HFM1: variants seen among roughly 807,000 people sequenced by gnomAD.
HFM1 encodes the protein helicase for meiosis 1, also known as probable ATP-dependent DNA helicase HFM1.
Under a neutral mutation model 192.1 loss-of-function variants are expected in HFM1, and 169 were observed. The ratio of observed to expected loss-of-function variants is 0.88; its 90% CI spans 0.78 to 1.00. The LOEUF (loss-of-function observed/expected upper bound fraction) is 1.00. HFM1 is among the 50% of genes least tolerant of loss of function. The probability of loss-of-function intolerance (pLI) is 0.00; values close to 1 mark genes in which losing one functional copy is unlikely to be tolerated. For missense variants in HFM1, 1,661 were observed against 1,668.0 expected (o/e 1.00, Z 0.07); for synonymous variants, 525 against 537.8 (o/e 0.98, Z 0.33).
intron 36 of HFM1, 66 bp from the exon 37 acceptor site, chr1:91,262,658 T>G: frequency 1.1e-6 from 1 of 949,240 alleles, no homozygotes; most frequent in East Asian, 2.6e-5. Flanking sequence ...ATTTGGATCA[T>G]AATGATTTTT....
At chr1:91,365,823 T>G (rs1423623061) in intron 13 of HFM1, among the ~76,000 whole-genome samples, 1 of 152,116 alleles carries the variant, frequency 6.6e-6, no homozygotes, top group Non-Finnish European at 1.5e-5. Flanking sequence ...CATAGAAACA[T>G]GGTGAGATGA....
At chr1:91,399,850 G>C (rs567889336) in intron 2 of HFM1, among the ~76,000 whole-genome samples, 57 of 152,084 alleles carry the variant, frequency 3.7e-4, no homozygotes, top group African/African-American at 7.7e-4. Context: ...ACATATTTTT[G>C]ACCATATTTT....
chr1:91,278,443 C>T (rs546139460), intron 30 of HFM1, among the ~76,000 whole-genome samples: 31 of 152,154 alleles, frequency 2.0e-4, no homozygotes, highest in Non-Finnish European at 8.8e-5. Context: ...GAAGATATTC[C>T]AGGTGGAGGG....
intron 30 of HFM1, among the ~76,000 whole-genome samples, chr1:91,296,738 T>G (rs1570838810): frequency 6.6e-6 from 1 of 152,232 alleles, no homozygotes. Context: ...CTTGAGCATC[T>G]TTTGTTATTC....
At chr1:91,364,975 CAT>C (rs1424980627) in intron 13 of HFM1, among the ~76,000 whole-genome samples, 28 of 152,046 alleles carry the variant, frequency 1.8e-4, no homozygotes, top group African/African-American at 6.5e-4. Flanking sequence ...TACACACACA[CAT>C]GCACACACAC....
At chr1:91,379,994 T>C in intron 8 of HFM1, 110 bp downstream of exon 8, 1 of 476,710 alleles carries the variant, frequency 2.1e-6, no homozygotes, top group Non-Finnish European at 3.6e-6. Flanking sequence ...ACTAGAAATA[T>C]ATAGAAAATC....
At chr1:91,351,708 A>G in intron 16 of HFM1, 65 bp from the exon 17 acceptor site, 1 of 750,968 alleles carries the variant, frequency 1.3e-6, no homozygotes, top group South Asian at 1.8e-5. Flanking sequence ...CCTCTTCAAT[A>G]ACTGAAGACT....
At chr1:91,263,992 T>C (rs1371373436) in intron 36 of HFM1, among the ~76,000 whole-genome samples, 1 of 152,208 alleles carries the variant, frequency 6.6e-6, no homozygotes, top group Non-Finnish European at 1.5e-5. Context: ...ACCTACAGCT[T>C]TGTCTCACTT....
intron 25 of HFM1, among the ~76,000 whole-genome samples, chr1:91,317,300 G>A (rs1039100508): frequency 1.2e-4 from 18 of 152,164 alleles, no homozygotes; most frequent in African/African-American, 4.3e-4. Context: ...TGTAATCCCA[G>A]CTACTCAGGA....
intron 34 of HFM1, among the ~76,000 whole-genome samples, chr1:91,271,610 A>C: frequency 6.6e-6 from 1 of 152,128 alleles, no homozygotes; most frequent in Non-Finnish European, 1.5e-5. Flanking sequence ...GGAAAGCAGG[A>C]TTGGATAGAA....
intron 30 of HFM1, among the ~76,000 whole-genome samples, chr1:91,305,262 T>C (rs148169282): frequency 9.6e-4 from 147 of 152,336 alleles, no homozygotes; most frequent in African/African-American, 3.5e-3. Flanking sequence ...ATATGAGAAG[T>C]GCTGCCATCT....
At position 91,262,741 on chromosome 1, in the gene HFM1, T is replaced by C. The variant is rs1327640022; in HGVS notation, c.3975-149A>G. ...ATTGTTTCTAATATTCATGGAGAGC[T>C]TGGTATATTTCCTTTCCTTTAGACC... On this transcript the variant is annotated intron_variant, in intron 36 of 38. Transcript: ENST00000370425. 5.3e-6 allele frequency: 3 copies of C among 567,210 alleles called. No homozygotes were observed. The African/African-American group carries it at 5.7e-5, about 11-fold the overall frequency. 35.1% of individuals were successfully genotyped at this position (567,210 alleles called of 1,614,324 possible).
intron 20 of HFM1, chr1:91,329,517 T>C (rs1653481503): frequency 2.0e-6 from 3 of 1,508,296 alleles, no homozygotes; most frequent in Non-Finnish European, 2.7e-6. Flanking sequence ...AAGGGGAAAA[T>C]AAATGTGTTT....
In HFM1 at chr1:91,404,822, A is replaced by C. The variant is rs1268465717; in HGVS notation, c.-52T>G. ...CCTCCCTGCGGACAGCTCCTAGGCC[A>C]GTCGAGCGCCGATTTATCAGCCCCT... On this transcript the variant is annotated 5_prime_UTR_variant, in exon 1 of 39. Coordinates refer to ENST00000370425, the MANE Select transcript of HFM1 (RefSeq NM_001017975.6). 4.4e-6 allele frequency: 2 copies of C among 455,704 alleles called. No homozygotes were observed. Among genetic ancestry groups the C allele is most frequent in the East Asian group, 1.4e-4 (2 of 14,312 alleles). The allele number at this position is 455,704 out of a possible 1,614,324, so 28.2% of individuals were successfully genotyped here.
chr1:91,311,684 C>T (rs1650481703), intron 30 of HFM1, among the ~76,000 whole-genome samples: 1 of 151,904 alleles, frequency 6.6e-6, no homozygotes. Context: ...AAAGAAAAAC[C>T]CATTTGCTGG....
upstream of HFM1, among the ~76,000 whole-genome samples, chr1:91,407,623 C>T (rs1251403001): frequency 6.6e-6 from 1 of 152,172 alleles, no homozygotes; most frequent in Non-Finnish European, 1.5e-5. Context: ...TTATATACCA[C>T]ATTTTGTTTA....
At chr1:91,349,159 C>T (rs1300560200) in intron 18 of HFM1, among the ~76,000 whole-genome samples, 3 of 151,748 alleles carry the variant, frequency 2.0e-5, no homozygotes, top group South Asian at 2.1e-4. Flanking sequence ...TGTGGTGGTG[C>T]GTGCCTGTAG....
chr1:91,381,117 T>C, intron 6 of HFM1, 135 bp from the exon 7 acceptor site: 1 of 570,082 alleles, frequency 1.8e-6, no homozygotes, highest in East Asian at 3.1e-5. Context: ...TCTGGCATCT[T>C]AGGAAAAGAA....
intron 13 of HFM1, among the ~76,000 whole-genome samples, chr1:91,370,655 G>T (rs282045): frequency 0.9 from 135,893 of 151,462 alleles, 61,006 homozygotes; most frequent in Middle Eastern, 0.95. Flanking sequence ...GCAAAAACTG[G>T]AAGCATTCCC....
Sources: allele counts gnomAD v4.1 joint callset (sites outside exome capture counted in the v4.1 genomes callset), GRCh38; gene constraint gnomAD v4.1.1; transcripts MANE v1.5; gene names NCBI Gene and HGNC (gene_info 2026-07-23, HGNC 2026-07-21).